Variants in EFNA5 observed in about 807,000 individuals in gnomAD.
EFNA5 encodes the protein ephrin A5, also known as ephrin-A5.
EFNA5 carries 5 observed loss-of-function variants against 22.9 expected under a neutral mutation model. The ratio of observed to expected loss-of-function variants is 0.22; its 90% CI spans 0.11 to 0.46. The LOEUF (loss-of-function observed/expected upper bound fraction) is 0.46. Ranked by LOEUF, EFNA5 falls within the 20% of genes least tolerant of loss-of-function variation. The pLI is 0.99. For missense variants in EFNA5, 237 were observed against 293.3 expected (o/e 0.81, Z 1.40); for synonymous variants, 113 against 112.2 (o/e 1.01, Z -0.04).
At chr5:107,559,504 T>C (rs1323774261) in intron 1 of EFNA5, among the ~76,000 whole-genome samples, 1 of 152,226 alleles carries the variant, frequency 6.6e-6, no homozygotes, top group African/African-American at 2.4e-5. Flanking sequence ...AACAGTTCTC[T>C]CATAATTTTT....
chr5:107,634,201 A>G (rs970808360), intron 1 of EFNA5, among the ~76,000 whole-genome samples: 6 of 152,158 alleles, frequency 3.9e-5, no homozygotes, highest in Admixed American at 2.0e-4. Flanking sequence ...AAGTCTCTTT[A>G]TTAGTATCCT....
Position 107,381,271 on chromosome 5 carries a change from A to G in EFNA5, c.671T>C (p.Met224Thr). 1 of 1,613,968 alleles carries G rather than the reference A, an allele frequency of 6.2e-7. No individual in the cohort carries two copies. The highest frequency in any genetic ancestry group is 8.5e-7 in the Non-Finnish European group (1 of 1,179,866). Reference protein sequence around the residue: ...LLAILLFLLAMLLTL With the variant: ...LLAILLFLLATLLTL ...GAGACTGTGCTATAATGTCAAAAGC[A>G]TCGCCAGGAGGAACAGTAGGATTGC... is the stretch of plus-strand genomic sequence containing the variant. The change falls in exon 5 of 5, where the codon ATG (methionine) becomes ACG (threonine). Residue 224 changes from methionine (M) to threonine (T), a missense_variant. This residue lies in a region of EFNA5 where 104 missense variants were observed against 114.5 expected (regional missense o/e 0.91). Transcript: ENST00000333274.
intron 2 of EFNA5, among the ~76,000 whole-genome samples, chr5:107,408,888 C>T (rs1479523809): frequency 6.9e-6 from 1 of 145,202 alleles, no homozygotes; most frequent in Non-Finnish European, 1.5e-5. Flanking sequence ...GGGCCTTACA[C>T]TTTAAAGAGT....
Position 107,588,635 on chromosome 5 carries a change from G to A in EFNA5, c.125+81854C>T, listed in dbSNP as rs576586050. On this transcript the variant is annotated intron_variant, in intron 1 of 4. Coordinates refer to ENST00000333274, the MANE Select transcript of EFNA5 (RefSeq NM_001962.3). Reference sequence around the variant, plus strand: ...TTGCCTGGGTTGTAGAAAGGGGCCAGGTAGCATTACAATCTTGAATGGAAA... The same window carrying A: ...TTGCCTGGGTTGTAGAAAGGGGCCAAGTAGCATTACAATCTTGAATGGAAA... Among the ~76,000 whole-genome samples the A allele has an allele frequency of 1.6e-3, 249 of 152,294 alleles. 2 individuals are homozygous for A. Among genetic ancestry groups the A allele is most frequent in the African/African-American group, 5.8e-3 (242 of 41,570 alleles).
chr5:107,565,127 G>GAA (rs1485394271), intron 1 of EFNA5, among the ~76,000 whole-genome samples: 1 of 152,138 alleles, frequency 6.6e-6, no homozygotes, highest in East Asian at 1.9e-4. Flanking sequence ...CCTTTCCACT[G>GAA]AAAAACCTTC....
chr5:107,439,076 C>A (rs1749188422), intron 1 of EFNA5, among the ~76,000 whole-genome samples: 1 of 152,128 alleles, frequency 6.6e-6, no homozygotes, highest in Non-Finnish European at 1.5e-5. Flanking sequence ...CTCTCCCACT[C>A]CAATTCATGT....
In EFNA5 at chr5:107,407,931, CTGAAGGAA is replaced by C. The variant is rs572211356; in HGVS notation, c.418+19278_418+19285del. 2.0e-3 allele frequency among the ~76,000 whole-genome samples: 299 copies of C among 152,272 alleles called. 1 individual carries two copies. The highest frequency in any genetic ancestry group is 6.9e-3 in the African/African-American group (286 of 41,560). ...CACAGTCTCAATTAAGATATTACTC[CTGAAGGAA>C]AACGGGAGGCATTTTACAACTCTCT... On this transcript the variant is annotated intron_variant, in intron 2 of 4. Coordinates refer to ENST00000333274, the MANE Select transcript of EFNA5 (RefSeq NM_001962.3).
intron 1 of EFNA5, among the ~76,000 whole-genome samples, chr5:107,650,269 G>C (rs1185725914): frequency 6.6e-6 from 1 of 152,150 alleles, no homozygotes; most frequent in Non-Finnish European, 1.5e-5. Context: ...AAAGCAGAGA[G>C]GTACATAATG....
intron 2 of EFNA5, among the ~76,000 whole-genome samples, chr5:107,419,497 T>G (rs538421018): frequency 2.6e-5 from 4 of 152,206 alleles, no homozygotes; most frequent in Non-Finnish European, 5.9e-5. Flanking sequence ...ATTTTCAAAA[T>G]AACACAAAAC....
At chr5:107,636,547 T>C (rs1384199671) in intron 1 of EFNA5, among the ~76,000 whole-genome samples, 1 of 152,180 alleles carries the variant, frequency 6.6e-6, no homozygotes, top group Non-Finnish European at 1.5e-5. Context: ...AAACAGAAAA[T>C]CTGAAAGATG....
At chr5:107,503,215 A>G (rs567650605) in intron 1 of EFNA5, among the ~76,000 whole-genome samples, 1 of 152,324 alleles carries the variant, frequency 6.6e-6, no homozygotes, top group South Asian at 2.1e-4. Flanking sequence ...AGCTTCCAGG[A>G]TTGGTAAAAT....
At chr5:107,503,791 T>A (rs1747193149) in intron 1 of EFNA5, among the ~76,000 whole-genome samples, 1 of 152,220 alleles carries the variant, frequency 6.6e-6, no homozygotes, top group Admixed American at 6.5e-5. Flanking sequence ...CTAAATTGTT[T>A]ACCCATTAAA....
At chr5:107,399,194 G>A (rs1418457006) in intron 2 of EFNA5, among the ~76,000 whole-genome samples, 1 of 152,056 alleles carries the variant, frequency 6.6e-6, no homozygotes, top group Non-Finnish European at 1.5e-5. Context: ...GCTCACGCCT[G>A]TAATCCCAGC....
At position 107,670,205 on chromosome 5, in the gene EFNA5, C is replaced by T. The variant is rs112641149; in HGVS notation, c.125+284G>A. Among the ~76,000 whole-genome samples, 713 of 152,226 alleles carry T rather than the reference C, an allele frequency of 4.7e-3. 7 individuals carry two copies. Among genetic ancestry groups the T allele is most frequent in the African/African-American group, 0.016 (680 of 41,556 alleles). ...GCTGGGAAGCAGAGAAGTCCCTACT[C>T]CCCGGCTCCCGCCCTTTTCCGAGTC... On this transcript the variant is annotated intron_variant, in intron 1 of 4. Coordinates refer to ENST00000333274, the MANE Select transcript of EFNA5 (RefSeq NM_001962.3).
At chr5:107,386,148 CAAAAAAAAAA>C (rs33964723) in intron 4 of EFNA5, among the ~76,000 whole-genome samples, 1 of 79,492 alleles carries the variant, frequency 1.3e-5, no homozygotes, top group Admixed American at 1.5e-4. Context: ...AGAAATTCTA[CAAAAAAAAAA>C]AAAAAAAAAA....
At chr5:107,435,160 C>G (rs946499903) in intron 1 of EFNA5, among the ~76,000 whole-genome samples, 1 of 152,162 alleles carries the variant, frequency 6.6e-6, no homozygotes, top group Admixed American at 6.6e-5. Context: ...GGTCCTGCAA[C>G]AGATATGGGT....
intron 1 of EFNA5, among the ~76,000 whole-genome samples, chr5:107,440,704 T>C (rs1418359401): frequency 6.6e-6 from 1 of 152,150 alleles, no homozygotes; most frequent in South Asian, 2.1e-4. Context: ...GCTCACACTG[T>C]TCAAGGCAGA....
intron 1 of EFNA5, among the ~76,000 whole-genome samples, chr5:107,439,054 C>T (rs1210252015): frequency 6.6e-6 from 1 of 152,130 alleles, no homozygotes; most frequent in Non-Finnish European, 1.5e-5. Flanking sequence ...GTGTTACAGA[C>T]TGAATGTCTG....
At chr5:107,486,044 T>A (rs1171159955) in intron 1 of EFNA5, among the ~76,000 whole-genome samples, 2 of 152,216 alleles carry the variant, frequency 1.3e-5, no homozygotes, top group Non-Finnish European at 2.9e-5. Context: ...CAATTTTCAC[T>A]AGGCTGAGAC....
Sources: gnomAD v4.1 joint callset for allele counts (sites outside exome capture counted in the v4.1 genomes callset) on GRCh38, gnomAD v4.1.1 for gene constraint, gnomAD v4.1.1 regional missense constraint, MANE v1.5 for transcripts, NCBI Gene and HGNC (gene_info 2026-07-23, HGNC 2026-07-21) for gene names.